Variants in PDGFD observed in about 807,000 individuals in gnomAD.
The protein encoded by PDGFD is platelet derived growth factor D, also known as platelet-derived growth factor D.
A neutral mutation model predicts 44.7 loss-of-function variants in PDGFD; 30 were observed. The observed-to-expected ratio is 0.67, with a 90% CI of 0.50 to 0.91. The LOEUF is 0.91. PDGFD is among the 40% of genes least tolerant of loss of function. PDGFD has a pLI of 0.00. For missense variants in PDGFD, 445 were observed against 457.8 expected (o/e 0.97, Z 0.25); for synonymous variants, 173 against 168.4 (o/e 1.03, Z -0.21).
At chr11:103,916,945 G>A (rs965719361) in intron 6 of PDGFD, among the ~76,000 whole-genome samples, 2 of 152,052 alleles carry the variant, frequency 1.3e-5, no homozygotes, top group Non-Finnish European at 2.9e-5. Context: ...TTGTGGGTGC[G>A]GGACTAGGGA....
chr11:104,082,628 GTT>G (rs57247326), intron 1 of PDGFD, among the ~76,000 whole-genome samples: 2 of 151,428 alleles, frequency 1.3e-5, no homozygotes, highest in Non-Finnish European at 2.9e-5. Flanking sequence ...AAATAAATTT[GTT>G]TTTTTTTGTT....
At position 104,077,723 on chromosome 11, in the gene PDGFD, C is replaced by T. The variant is rs189277647; in HGVS notation, c.125-77468G>A. Among the ~76,000 whole-genome samples, 191 of 138,464 alleles carry T rather than the reference C, an allele frequency of 1.4e-3. 2 individuals are homozygous for T. In the East Asian group the frequency reaches 0.034, roughly 25 times the overall value. The allele number at this position is 138,464 out of a possible 152,430, so 90.8% of individuals were successfully genotyped here. Reference sequence around the variant, plus strand: ...TGATCCTCCATCCCAAAGCATAGCACAGAAAAAAAAAACTATCTTGTAAAT... The same window carrying T: ...TGATCCTCCATCCCAAAGCATAGCATAGAAAAAAAAAACTATCTTGTAAAT... On this transcript the variant is annotated intron_variant, in intron 1 of 6. Transcript: ENST00000393158.
intron 1 of PDGFD, among the ~76,000 whole-genome samples, chr11:104,085,828 A>T (rs1159238109): frequency 6.6e-6 from 1 of 152,122 alleles, no homozygotes; most frequent in Non-Finnish European, 1.5e-5. Flanking sequence ...CTGCGCACAC[A>T]TGGGAGAGTG....
chr11:103,919,072 AAC>A (rs1354542957), intron 6 of PDGFD, among the ~76,000 whole-genome samples: 2 of 152,192 alleles, frequency 1.3e-5, no homozygotes, highest in Non-Finnish European at 2.9e-5. Context: ...AGCATTTCTT[AAC>A]ACCTATGGGT....
intron 3 of PDGFD, among the ~76,000 whole-genome samples, chr11:103,948,186 G>A (rs1000049584): frequency 3.3e-5 from 5 of 152,124 alleles, no homozygotes; most frequent in Admixed American, 2.0e-4. Context: ...ACTAGGTTAC[G>A]CATTATGTTC....
chr11:104,032,052 T>C (rs11226123), intron 1 of PDGFD, among the ~76,000 whole-genome samples: 41,711 of 151,992 alleles, frequency 0.27, 6,051 homozygotes, highest in Middle Eastern at 0.46. Context: ...CTGGGCTTAA[T>C]ACCTAGGTGA....
intron 1 of PDGFD, among the ~76,000 whole-genome samples, chr11:104,161,436 T>C (rs1454224663): frequency 1.3e-5 from 2 of 152,242 alleles, no homozygotes. Context: ...ACTTTCTCTC[T>C]GTCAGCTATG....
At chr11:104,006,160 C>T (rs985633569) in intron 1 of PDGFD, among the ~76,000 whole-genome samples, 1 of 152,038 alleles carries the variant, frequency 6.6e-6, no homozygotes, top group African/African-American at 2.4e-5. Context: ...TATGTGGTCC[C>T]CAGAGCATCA....
Position 104,043,103 on chromosome 11 carries a change from C to A in PDGFD, c.125-42848G>T, listed in dbSNP as rs545386695. On this transcript the variant is annotated intron_variant, in intron 1 of 6. Transcript: ENST00000393158. ...TCAGTTAGAGGAACTAGAAAAAAAG[C>A]AGAGTAAAATATTTAAAAATAATGT... Among the ~76,000 whole-genome samples, 40 of 152,154 alleles carry A rather than the reference C, an allele frequency of 2.6e-4. 1 individual carries two copies. The South Asian group carries it at 8.3e-3, about 32-fold the overall frequency.
chr11:104,099,670 AAT>A (rs1861341776), intron 1 of PDGFD, among the ~76,000 whole-genome samples: 1 of 148,868 alleles, frequency 6.7e-6, no homozygotes, highest in Non-Finnish European at 1.5e-5. Context: ...TAATAATAAT[AAT>A]AATAAATCAA....
At chr11:103,971,183 A>G (rs1447193583) in intron 3 of PDGFD, among the ~76,000 whole-genome samples, 1 of 151,818 alleles carries the variant, frequency 6.6e-6, no homozygotes, top group African/African-American at 2.4e-5. Context: ...TTATCTTTCT[A>G]TTTGCCTGGA....
In PDGFD at chr11:103,908,058, C is replaced by G. The variant is rs73608016; in HGVS notation, c.*1636G>C. ...TAGAAATCTAAGTATATTTAGGTCA[C>G]TCATCTAACACTGGGACTTTACCAG... On this transcript the variant is annotated 3_prime_UTR_variant, in exon 7 of 7. Coordinates refer to ENST00000393158, the MANE Select transcript of PDGFD (RefSeq NM_025208.5). 17 of 152,158 alleles carry G rather than the reference C, an allele frequency of 1.1e-4. No individual in the cohort carries two copies. Among genetic ancestry groups the G allele is most frequent in the Admixed American group, 1.1e-3 (17 of 15,286 alleles). The allele number at this position is 152,158 out of a possible 1,614,324, so 9.4% of individuals were successfully genotyped here. A position where few individuals can be genotyped will look rare whatever the true frequency, so the allele number is the denominator to read the frequency against.
chr11:103,974,995 C>T (rs184207990), intron 3 of PDGFD, among the ~76,000 whole-genome samples: 15 of 152,124 alleles, frequency 9.9e-5, no homozygotes, highest in Non-Finnish European at 1.6e-4. Context: ...ATTTATAATT[C>T]TTTGGGTATA....
At chr11:104,122,576 T>C (rs959775226) in intron 1 of PDGFD, among the ~76,000 whole-genome samples, 2 of 152,030 alleles carry the variant, frequency 1.3e-5, no homozygotes, top group African/African-American at 4.8e-5. Context: ...CTTTCACCTA[T>C]TAAACTTCTG....
intron 1 of PDGFD, among the ~76,000 whole-genome samples, chr11:104,084,759 TATTA>T (rs1481317570): frequency 1.3e-5 from 1 of 79,522 alleles, no homozygotes; most frequent in Non-Finnish European, 2.2e-5. Flanking sequence ...ATAGTTTATA[TATTA>T]ATTATAAAAT....
intron 4 of PDGFD, among the ~76,000 whole-genome samples, chr11:103,943,899 C>T (rs932878943): frequency 2.0e-5 from 3 of 147,582 alleles, no homozygotes; most frequent in African/African-American, 7.8e-5. Flanking sequence ...TCCAGTTTAT[C>T]TTAAGTGTAA....
chr11:104,060,163 G>T lies in PDGFD; in HGVS notation c.125-59908C>A, dbSNP rs141712538. On this transcript the variant is annotated intron_variant, in intron 1 of 6. Transcript: ENST00000393158. ...AAACATTCACTATTACAGCAGCAAA[G>T]GATTGTACAGATCCACTGTGTTATG... is the stretch of plus-strand genomic sequence containing the variant. Among the ~76,000 whole-genome samples, 33 of 152,342 alleles carry T rather than the reference G, an allele frequency of 2.2e-4. No homozygotes were observed. In the East Asian group the frequency reaches 6.2e-3, roughly 28 times the overall value.
intron 1 of PDGFD, among the ~76,000 whole-genome samples, chr11:104,103,474 A>ATGTGTGTGTGTG (rs1861427579): frequency 7.2e-6 from 1 of 138,812 alleles, no homozygotes; most frequent in African/African-American, 2.9e-5. Flanking sequence ...ATATATATAT[A>ATGTGTGTGTGTG]TATATATATA....
At chr11:104,133,740 C>A (rs12281544) in intron 1 of PDGFD, among the ~76,000 whole-genome samples, 19,818 of 152,034 alleles carry the variant, frequency 0.13, 1,430 homozygotes, top group East Asian at 0.29. Flanking sequence ...AGACAAGGCT[C>A]GTGAGGGCAA....
Sources: gnomAD v4.1 joint callset for allele counts (sites outside exome capture counted in the v4.1 genomes callset) on GRCh38, gnomAD v4.1.1 for gene constraint, MANE v1.5 for transcripts, NCBI Gene and HGNC (gene_info 2026-07-23, HGNC 2026-07-21) for gene names.